PRRX1: variants seen among roughly 807,000 people sequenced by gnomAD.
The protein encoded by PRRX1 is paired related homeobox 1.
In PRRX1, 8 loss-of-function variants were observed where a neutral mutation model predicts 24.0. The ratio of observed to expected loss-of-function variants is 0.33; its 90% confidence interval spans 0.20 to 0.60. The LOEUF is 0.60. PRRX1 is among the 20% of genes least tolerant of loss of function. The pLI, the probability that PRRX1 is intolerant of heterozygous loss-of-function variation, is 0.82. For missense variants in PRRX1, 281 were observed against 322.4 expected, an observed-to-expected ratio of 0.87 and a Z score of 0.98; for synonymous variants, 160 against 131.7, an observed-to-expected ratio of 1.22 and a Z score of -1.47.
chr1:170,738,097 T>G lies in PRRX1; in HGVS notation c.*1911T>G, dbSNP rs2101931503. 4.6e-6 allele frequency: 1 copy of G among 216,760 alleles called. No homozygotes were observed. The highest frequency in any genetic ancestry group is 1.9e-4 in the South Asian group (1 of 5,396). 13.4% of individuals were successfully genotyped at this position (216,760 alleles called of 1,614,324 possible). On this transcript the variant is annotated 3_prime_UTR_variant, in exon 4 of 4. Coordinates refer to ENST00000239461, the MANE Select transcript of PRRX1 (RefSeq NM_022716.4). ...ATAATTTAAGACACATAGAACAGAT[T>G]TTTTTAATTTATATTTTCATCCTGA... is the stretch of plus-strand genomic sequence containing the variant.
chr1:170,691,694 T>G (rs768242354), intron 1 of PRRX1, among the ~76,000 whole-genome samples: 4 of 152,016 alleles, frequency 2.6e-5, no homozygotes, highest in Admixed American at 6.6e-5. Context: ...CCCTTCTCTT[T>G]TCACCTTTTC....
upstream of PRRX1, chr1:170,662,803 A>AT (rs1558039244): frequency 1.3e-5 from 2 of 149,758 alleles, no homozygotes; most frequent in African/African-American, 2.5e-5. Flanking sequence ...ATGGTGGTGG[A>AT]TTTTTTCCAA....
chr1:170,686,179 C>CAAAAAAAAAA (rs397754426), intron 1 of PRRX1, among the ~76,000 whole-genome samples: 4 of 105,246 alleles, frequency 3.8e-5, no homozygotes, highest in African/African-American at 1.0e-4. Context: ...GTTAAGGGTA[C>CAAAAAAAAAA]AAAAAAAAAA....
rs572092747 is a variant in PRRX1 at position 170,730,434 on chromosome 1, G to C, written c.599+4033G>C. 11 of 1,204,350 alleles carry C rather than the reference G, an allele frequency of 9.1e-6. No homozygotes were observed. The African/African-American group carries it at 1.7e-4, about 18-fold the overall frequency. 74.6% of individuals were successfully genotyped at this position (1,204,350 alleles called of 1,614,324 possible). A position where few individuals can be genotyped will look rare whatever the true frequency, so the allele number is the denominator to read the frequency against. ...AGTGTTTAAGAAAGTGGGGGTTGCAGTTCTAGAAATTTCAGCAGTGAAGTC... is the reference window on the plus strand; with the variant it reads ...AGTGTTTAAGAAAGTGGGGGTTGCACTTCTAGAAATTTCAGCAGTGAAGTC... On this transcript the variant is annotated intron_variant, in intron 3 of 3. Coordinates refer to ENST00000239461, the MANE Select transcript of PRRX1 (RefSeq NM_022716.4).
chr1:170,701,201 T>G (rs1442179054), intron 1 of PRRX1, among the ~76,000 whole-genome samples: 1 of 152,210 alleles, frequency 6.6e-6, no homozygotes, highest in Non-Finnish European at 1.5e-5. Flanking sequence ...ATCCTTCCTT[T>G]GCATCACAGC....
intron 1 of PRRX1, among the ~76,000 whole-genome samples, chr1:170,708,961 A>G (rs955704078): frequency 6.6e-6 from 1 of 152,220 alleles, no homozygotes; most frequent in Non-Finnish European, 1.5e-5. Context: ...GGTTGTTCAG[A>G]GTAGGCACTT....
At chr1:170,706,649 T>C (rs748313974) in intron 1 of PRRX1, among the ~76,000 whole-genome samples, 2 of 152,210 alleles carry the variant, frequency 1.3e-5, no homozygotes, top group Admixed American at 6.5e-5. Context: ...GGAAAGAGTA[T>C]AAAGTTATAA....
intron 1 of PRRX1, among the ~76,000 whole-genome samples, chr1:170,680,294 C>A (rs544981638): frequency 6.6e-6 from 1 of 152,052 alleles, no homozygotes; most frequent in Admixed American, 6.6e-5. Context: ...TTTAGAAAAG[C>A]AGGATAAGTA....
At position 170,736,941 on chromosome 1, in the gene PRRX1, A is replaced by G. The variant is rs1244506272; in HGVS notation, c.*755A>G. The G allele has an allele frequency of 2.0e-5, 4 of 198,842 alleles. No individual in the cohort carries two copies. The highest frequency in any genetic ancestry group is 3.1e-5 in the Non-Finnish European group (3 of 95,884). 12.3% of individuals were successfully genotyped at this position (198,842 alleles called of 1,614,324 possible). On this transcript the variant is annotated 3_prime_UTR_variant, in exon 4 of 4. Coordinates refer to ENST00000239461, the MANE Select transcript of PRRX1 (RefSeq NM_022716.4). ...CACCACCCCTCACCCTATGCAATCA[A>G]TCAATCAATCATCTTAAGTTAAAGA...
intron 1 of PRRX1, among the ~76,000 whole-genome samples, chr1:170,676,201 G>A (rs1251377865): frequency 6.6e-6 from 1 of 152,174 alleles, no homozygotes; most frequent in Admixed American, 6.5e-5. Context: ...AAGGGAAATA[G>A]AAAATAATAT....
At chr1:170,692,459 G>A (rs1375678816) in intron 1 of PRRX1, among the ~76,000 whole-genome samples, 4 of 151,626 alleles carry the variant, frequency 2.6e-5, no homozygotes, top group Non-Finnish European at 4.4e-5. Context: ...CTAGAATGTA[G>A]TTAAGGGATC....
intron 1 of PRRX1, among the ~76,000 whole-genome samples, chr1:170,673,207 A>G (rs1441450424): frequency 2.6e-5 from 4 of 152,216 alleles, no homozygotes; most frequent in Non-Finnish European, 4.4e-5. Context: ...GTAGGTATTC[A>G]ATGTAAACTT....
chr1:170,729,357 G>A (rs1655356324), intron 3 of PRRX1, among the ~76,000 whole-genome samples: 1 of 152,180 alleles, frequency 6.6e-6, no homozygotes, highest in Admixed American at 6.5e-5. Flanking sequence ...ACAAGCCAGA[G>A]ACAGTGAGCG....
In PRRX1 at chr1:170,736,268, T is replaced by C. The variant is rs766812175; in HGVS notation, c.*82T>C. ...CCTGCTCTGTTATTTCTTCATCTGC[T>C]GGGGGGAAAAAGTAAATTACAAACA... On this transcript the variant is annotated 3_prime_UTR_variant, in exon 4 of 4. Transcript: ENST00000239461. The C allele has an allele frequency of 2.6e-6, 4 of 1,557,240 alleles. No homozygotes were observed. The Admixed American group carries it at 7.0e-5, about 27-fold the overall frequency.
At chr1:170,680,440 A>C (rs567087213) in intron 1 of PRRX1, among the ~76,000 whole-genome samples, 6 of 152,200 alleles carry the variant, frequency 3.9e-5, no homozygotes, top group Admixed American at 6.5e-5. Context: ...ACAGTTCTCT[A>C]AGCCCATCTG....
chr1:170,667,040 G>T (rs975209866), intron 1 of PRRX1, among the ~76,000 whole-genome samples: 2 of 152,090 alleles, frequency 1.3e-5, no homozygotes, highest in Non-Finnish European at 2.9e-5. Context: ...GCGGAATTGG[G>T]GACTGTATGT....
intron 3 of PRRX1, chr1:170,726,629 G>A (rs1655267287): frequency 3.8e-6 from 2 of 529,208 alleles, no homozygotes; most frequent in South Asian, 2.7e-5. Flanking sequence ...ATCTCCTCTT[G>A]GACTCAGGAA....
chr1:170,724,763 G>A (rs1052678908), intron 2 of PRRX1, among the ~76,000 whole-genome samples: 6 of 152,034 alleles, frequency 3.9e-5, no homozygotes, highest in African/African-American at 7.2e-5. Context: ...TTGGCCATAC[G>A]GGCTCTTTTT....
At chr1:170,735,818 C>G (rs574251467) in intron 3 of PRRX1, among the ~76,000 whole-genome samples, 4 of 151,140 alleles carry the variant, frequency 2.6e-5, no homozygotes, top group Non-Finnish European at 5.9e-5. Flanking sequence ...CTCTTCCTCC[C>G]TTTCCTCACT....
Sources: gnomAD v4.1 joint callset for allele counts (sites outside exome capture counted in the v4.1 genomes callset) on GRCh38, gnomAD v4.1.1 for gene constraint, MANE v1.5 for transcripts, NCBI Gene and HGNC (gene_info 2026-07-23, HGNC 2026-07-21) for gene names.